CTNNA3: variants seen among roughly 807,000 people sequenced by gnomAD.
CTNNA3 encodes catenin alpha 3.
In CTNNA3, 76 loss-of-function variants were observed where a neutral mutation model predicts 95.7. That is an observed-to-expected ratio of 0.79 (90% CI 0.66 to 0.96). The LOEUF is 0.96. Ranked by LOEUF, CTNNA3 falls within the 40% of genes least tolerant of loss-of-function variation. The pLI is 0.00. For synonymous variants in CTNNA3, 431 were observed against 374.4 expected (o/e 1.15, Z -1.74); for missense variants, 1,191 against 1,089.8 (o/e 1.09, Z -1.31).
intron 5 of CTNNA3, among the ~76,000 whole-genome samples, chr10:67,252,213 T>G (rs1670492790): frequency 7.7e-6 from 1 of 129,614 alleles, no homozygotes; most frequent in South Asian, 2.6e-4. Context: ...AGTGAAACAC[T>G]GTCTCAAAAA....
chr10:67,043,242 C>T (rs1444419348), intron 7 of CTNNA3, among the ~76,000 whole-genome samples: 1 of 151,454 alleles, frequency 6.6e-6, no homozygotes, highest in Non-Finnish European at 1.5e-5. Flanking sequence ...ATGGCAACAT[C>T]CCACAGATGA....
intron 1 of CTNNA3, among the ~76,000 whole-genome samples, chr10:67,687,530 C>T (rs1840757042): frequency 6.6e-6 from 1 of 152,166 alleles, no homozygotes; most frequent in Admixed American, 6.5e-5. Flanking sequence ...TGGCCTTTCT[C>T]TGATCTTGCT....
chr10:66,446,009 A>C (rs2093417936), intron 11 of CTNNA3, among the ~76,000 whole-genome samples: 1 of 152,214 alleles, frequency 6.6e-6, no homozygotes, highest in Admixed American at 6.5e-5. Context: ...CCAATCCCAC[A>C]GAAATACAAA....
chr10:67,024,935 A>C (rs1853261729), intron 7 of CTNNA3, among the ~76,000 whole-genome samples: 1 of 152,114 alleles, frequency 6.6e-6, no homozygotes, highest in South Asian at 2.1e-4. Flanking sequence ...GTTTGAGACC[A>C]GCCTGACCAA....
chr10:67,255,910 A>G (rs1169479021), intron 5 of CTNNA3, among the ~76,000 whole-genome samples: 1 of 152,176 alleles, frequency 6.6e-6, no homozygotes, highest in Non-Finnish European at 1.5e-5. Context: ...TAATTCTTGC[A>G]ATACACCATG....
intron 15 of CTNNA3, among the ~76,000 whole-genome samples, chr10:66,061,661 T>A (rs991740183): frequency 6.6e-6 from 1 of 151,912 alleles, no homozygotes; most frequent in Non-Finnish European, 1.5e-5. Context: ...CTTTTTCATA[T>A]TTTTTTTCTT....
intron 11 of CTNNA3, among the ~76,000 whole-genome samples, chr10:66,440,726 C>A (rs1564964956): frequency 6.6e-6 from 1 of 152,144 alleles, no homozygotes. Flanking sequence ...GGGGCACCCT[C>A]ATCTGACTAG....
At chr10:67,346,682 G>T (rs150722195) in intron 5 of CTNNA3, 1 of 511,102 alleles carries the variant, frequency 2.0e-6, no homozygotes, top group African/African-American at 1.9e-5. Flanking sequence ...TCCTAATCTC[G>T]TGGCGATAGA....
chr10:67,248,196 C>T (rs1481943926), intron 5 of CTNNA3, among the ~76,000 whole-genome samples: 4 of 151,934 alleles, frequency 2.6e-5, no homozygotes, highest in East Asian at 1.9e-4. Flanking sequence ...GTGGCACGTG[C>T]CTGTAGTCCT....
intron 12 of CTNNA3, among the ~76,000 whole-genome samples, chr10:66,292,306 G>C (rs1292737988): frequency 6.6e-6 from 1 of 152,050 alleles, no homozygotes; most frequent in Non-Finnish European, 1.5e-5. Context: ...GAGTGAATAT[G>C]CCTACCTAGC....
At chr10:67,696,786 CT>C (rs78035749), upstream of CTNNA3, among the ~76,000 whole-genome samples, 35,340 of 151,638 alleles carry the variant, frequency 0.23, 4,895 homozygotes, top group East Asian at 0.51. Context: ...TTCCTTTTCC[CT>C]TTTTTTTGAT....
chr10:66,346,342 G>A (rs1372261959), intron 12 of CTNNA3, among the ~76,000 whole-genome samples: 3 of 149,394 alleles, frequency 2.0e-5, no homozygotes, highest in Non-Finnish European at 4.5e-5. Context: ...GGAGTGGCAT[G>A]ATCTCGGCTC....
chr10:67,319,728 T>C (rs1841224620), intron 5 of CTNNA3, among the ~76,000 whole-genome samples: 1 of 151,838 alleles, frequency 6.6e-6, no homozygotes, highest in Non-Finnish European at 1.5e-5. Flanking sequence ...AAACTCCATC[T>C]CTAATGAAAA....
In CTNNA3 at chr10:66,621,672, A is replaced by G; in HGVS notation, c.1374+20T>C. The G allele has an allele frequency of 7.0e-7, 1 of 1,429,694 alleles. No individual in the cohort carries two copies. The highest frequency in any genetic ancestry group is 9.7e-7 in the Non-Finnish European group (1 of 1,028,342). 88.6% of individuals were successfully genotyped at this position (1,429,694 alleles called of 1,614,324 possible). A position where few individuals can be genotyped will look rare whatever the true frequency, so the allele number is the denominator to read the frequency against. The stretch of plus-strand genomic sequence containing the variant: ...AATTATATATAATTTTACACACAAA[A>G]AGTAACTTAGTTGTCATACCTGTGG... On this transcript the variant is annotated intron_variant, in intron 10 of 17. Transcript: ENST00000433211.
At chr10:67,370,798 A>T (rs181150651) in intron 5 of CTNNA3, among the ~76,000 whole-genome samples, 53 of 152,270 alleles carry the variant, frequency 3.5e-4, no homozygotes, top group Non-Finnish European at 4.0e-4. Flanking sequence ...TCAGAGAAAA[A>T]ACAGATGAAA....
rs12257575 is a variant in CTNNA3 at position 66,621,445 on chromosome 10, G to A, written c.1374+247C>T. Among the ~76,000 whole-genome samples the A allele has an allele frequency of 3.0e-3, 460 of 151,800 alleles. 3 individuals are homozygous for A. Among genetic ancestry groups the A allele is most frequent in the African/African-American group, 0.011 (446 of 41,476 alleles). On this transcript the variant is annotated intron_variant, in intron 10 of 17. Transcript: ENST00000433211. ...TCGAGACCAGCCTGGCCAACATGGT[G>A]AAACCCCATCTCTATTAAAAATACA...
At chr10:65,952,576 C>T (rs2077642350) in intron 17 of CTNNA3, among the ~76,000 whole-genome samples, 1 of 151,770 alleles carries the variant, frequency 6.6e-6, no homozygotes, top group South Asian at 2.1e-4. Flanking sequence ...TGTTTTCTTT[C>T]TGTCTACAAA....
chr10:67,727,441 ATATAT>A (rs1264351201), intron 1 of CTNNA3, among the ~76,000 whole-genome samples: 1 of 132,824 alleles, frequency 7.5e-6, no homozygotes, highest in Non-Finnish European at 1.6e-5. Flanking sequence ...AGAATTTTCT[ATATAT>A]TATATATCAT....
intron 13 of CTNNA3, among the ~76,000 whole-genome samples, chr10:66,106,846 A>T (rs72793493): frequency 0.17 from 25,680 of 152,074 alleles, 2,582 homozygotes; most frequent in South Asian, 0.36. Flanking sequence ...ATAAGCCACC[A>T]ATGTTTCTGT....
Sources: allele counts gnomAD v4.1 joint callset (sites outside exome capture counted in the v4.1 genomes callset), GRCh38; gene constraint gnomAD v4.1.1; transcripts MANE v1.5; gene names NCBI Gene and HGNC (gene_info 2026-07-23, HGNC 2026-07-21).